Variants in ROBO2 observed in about 807,000 individuals in gnomAD.
ROBO2 encodes the protein roundabout homolog 2.
Under a neutral mutation model 160.8 loss-of-function variants are expected in ROBO2, and 53 were observed. The ratio of observed to expected loss-of-function variants is 0.33; its 90% CI spans 0.26 to 0.41. The LOEUF (loss-of-function observed/expected upper bound fraction) is 0.41, where lower values mean the gene tolerates loss of function less well. Among genes scored for constraint, ROBO2 ranks in the 10% least tolerant of loss-of-function variants. ROBO2 has a pLI of 1.00. For synonymous variants in ROBO2, 664 were observed against 611.7 expected (o/e 1.09, Z -1.26); for missense variants, 1,577 against 1,722.4 (o/e 0.92, Z 1.49).
At chr3:75,937,799 A>G (rs75380808) in intron 2 of ROBO2, among the ~76,000 whole-genome samples, 1 of 146,198 alleles carries the variant, frequency 6.8e-6, no homozygotes, top group Non-Finnish European at 1.5e-5. Context: ...TCAAAATTGA[A>G]GCCATCTTTC....
intron 4 of ROBO2, among the ~76,000 whole-genome samples, chr3:77,483,754 C>T (rs1019410077): frequency 1.4e-4 from 20 of 146,190 alleles, no homozygotes; most frequent in African/African-American, 5.0e-4. Context: ...TTTATTGATA[C>T]CTATTATTAT....
At chr3:77,328,615 G>A (rs1047328353) in intron 2 of ROBO2, among the ~76,000 whole-genome samples, 6 of 152,036 alleles carry the variant, frequency 3.9e-5, no homozygotes, top group African/African-American at 1.4e-4. Context: ...AACAATAATG[G>A]CATATGTTAA....
chr3:75,925,514 A>C (rs1947260375), intron 1 of ROBO2, among the ~76,000 whole-genome samples: 1 of 152,178 alleles, frequency 6.6e-6, no homozygotes, highest in Admixed American at 6.5e-5. Context: ...GAATAACCTG[A>C]TACTCTTTCT....
chr3:76,915,076 C>T (rs2076221766), intron 2 of ROBO2, among the ~76,000 whole-genome samples: 1 of 152,150 alleles, frequency 6.6e-6, no homozygotes, highest in South Asian at 2.1e-4. Context: ...TAATGTAACA[C>T]CTTCTTCTTT....
At chr3:77,205,530 CA>C (rs546533492) in intron 2 of ROBO2, among the ~76,000 whole-genome samples, 2 of 151,950 alleles carry the variant, frequency 1.3e-5, no homozygotes, top group Non-Finnish European at 2.9e-5. Flanking sequence ...CATGGCAGGC[CA>C]AAAGGCAACT....
intron 2 of ROBO2, among the ~76,000 whole-genome samples, chr3:76,843,202 AT>A (rs2068455994): frequency 6.7e-6 from 1 of 149,684 alleles, no homozygotes; most frequent in Admixed American, 6.7e-5. Context: ...ATATTAGATT[AT>A]TAATATAAAT....
chr3:77,016,836 A>C (rs1228690824), intron 2 of ROBO2, among the ~76,000 whole-genome samples: 1 of 152,170 alleles, frequency 6.6e-6, no homozygotes, highest in Non-Finnish European at 1.5e-5. Flanking sequence ...TTGAATATAC[A>C]ATAAGAGCAA....
chr3:76,749,707 G>A (rs2093948771), intron 2 of ROBO2, among the ~76,000 whole-genome samples: 1 of 152,090 alleles, frequency 6.6e-6, no homozygotes, highest in Non-Finnish European at 1.5e-5. Flanking sequence ...ATGGAAAGAT[G>A]TTTGTATTTT....
At chr3:76,132,395 G>GGC (rs1553653744) in intron 2 of ROBO2, among the ~76,000 whole-genome samples, 3 of 43,974 alleles carry the variant, frequency 6.8e-5, no homozygotes, top group African/African-American at 1.5e-4. Flanking sequence ...CCAGACTGTT[G>GGC]GGGGGGGGGG....
intron 2 of ROBO2, among the ~76,000 whole-genome samples, chr3:76,277,757 T>A (rs533542446): frequency 6.6e-6 from 1 of 152,038 alleles, no homozygotes; most frequent in South Asian, 2.1e-4. Flanking sequence ...AGTAAAGCGA[T>A]TTGATTCTTA....
At chr3:77,263,060 G>A (rs34363281) in intron 2 of ROBO2, among the ~76,000 whole-genome samples, 75,345 of 151,816 alleles carry the variant, frequency 0.5, 19,933 homozygotes, top group Middle Eastern at 0.7. Context: ...TGTTTTCTAC[G>A]TTGTAGTGAA....
At chr3:77,484,146 C>CATT (rs2085038685) in intron 4 of ROBO2, among the ~76,000 whole-genome samples, 1 of 151,948 alleles carries the variant, frequency 6.6e-6, no homozygotes, top group Non-Finnish European at 1.5e-5. Context: ...ATTAACTGGG[C>CATT]ATTATCAAAT....
intron 2 of ROBO2, among the ~76,000 whole-genome samples, chr3:77,247,575 C>T (rs1443132069): frequency 1.3e-5 from 2 of 152,166 alleles, no homozygotes; most frequent in Non-Finnish European, 2.9e-5. Flanking sequence ...CTCCTCCTCT[C>T]TTCAGTAAGA....
intron 24 of ROBO2, among the ~76,000 whole-genome samples, chr3:77,642,275 G>A (rs909034823): frequency 2.6e-5 from 4 of 152,088 alleles, no homozygotes; most frequent in South Asian, 2.1e-4. Flanking sequence ...TTGTTCTTGG[G>A]GCCTTTTGTT....
At chr3:76,868,334 C>A (rs2071600695) in intron 2 of ROBO2, among the ~76,000 whole-genome samples, 1 of 152,124 alleles carries the variant, frequency 6.6e-6, no homozygotes, top group Non-Finnish European at 1.5e-5. Flanking sequence ...CTCTCAAATT[C>A]CACTTCTTTC....
chr3:77,314,521 A>T (rs1406568116), intron 2 of ROBO2, among the ~76,000 whole-genome samples: 1 of 152,200 alleles, frequency 6.6e-6, no homozygotes, highest in Non-Finnish European at 1.5e-5. Flanking sequence ...ATTCAACAGG[A>T]TTAAAATTTA....
intron 2 of ROBO2, among the ~76,000 whole-genome samples, chr3:76,257,802 CTTA>C (rs1395755412): frequency 6.6e-6 from 1 of 152,104 alleles, no homozygotes; most frequent in African/African-American, 2.4e-5. Flanking sequence ...CTTTCTCTCA[CTTA>C]TTATATCAGT....
chr3:77,243,950 T>C (rs1483813793), intron 2 of ROBO2, among the ~76,000 whole-genome samples: 1 of 152,216 alleles, frequency 6.6e-6, no homozygotes, highest in African/African-American at 2.4e-5. Context: ...TATTATGAAA[T>C]TCTGTTGTGT....
At chr3:76,525,994 A>G (rs1276345527) in intron 2 of ROBO2, among the ~76,000 whole-genome samples, 1 of 151,974 alleles carries the variant, frequency 6.6e-6, no homozygotes, top group African/African-American at 2.4e-5. Flanking sequence ...CTTATTCAGC[A>G]GGCAGTGGAG....
Sources: gnomAD v4.1 joint callset for allele counts (sites outside exome capture counted in the v4.1 genomes callset) on GRCh38, gnomAD v4.1.1 for gene constraint, MANE v1.5 for transcripts, NCBI Gene and HGNC (gene_info 2026-07-23, HGNC 2026-07-21) for gene names.